LEO1: variants seen among roughly 807,000 people sequenced by gnomAD.
LEO1 encodes LEO1 component of Paf1/RNA polymerase II complex, also known as RNA polymerase-associated protein LEO1.
A neutral mutation model predicts 80.4 loss-of-function variants in LEO1; 34 were observed. The ratio of observed to expected loss-of-function variants is 0.42; its 90% CI spans 0.32 to 0.56. The LOEUF is 0.56. LEO1 is among the 20% of genes least tolerant of loss of function. The pLI is 0.10. For synonymous variants in LEO1, 262 were observed against 274.9 expected (o/e 0.95, Z 0.46); for missense variants, 631 against 814.2 (o/e 0.77, Z 2.74).
At position 51,945,262 on chromosome 15, in the gene LEO1, C is replaced by CAAAAAAAAAAAAAAAA. The variant is rs71130110; in HGVS notation, c.1896+2014_1896+2029dup. On this transcript the variant is annotated intron_variant, in intron 11 of 11. Transcript: ENST00000299601. ...TGAAACCCCATCTCTACAAAAAATA[C>CAAAAAAAAAAAAAAAA]AAAAAAAAAAAAAAAAAGCCTTACA... is the stretch of plus-strand genomic sequence containing the variant. Among the ~76,000 whole-genome samples the CAAAAAAAAAAAAAAAA allele has an allele frequency of 6.1e-3, 488 of 80,198 alleles. 34 individuals carry two copies. The highest frequency in any genetic ancestry group is 0.023 in the East Asian group (41 of 1,788). 52.6% of individuals were successfully genotyped at this position (80,198 alleles called of 152,430 possible).
chr15:51,946,169 A>G lies in LEO1; in HGVS notation c.1896+1123T>C, dbSNP rs564004445. Among the ~76,000 whole-genome samples the G allele has an allele frequency of 2.0e-5, 3 of 152,338 alleles. 1 individual carries two copies. Among genetic ancestry groups the G allele is most frequent in the African/African-American group, 4.8e-5 (2 of 41,568 alleles). ...CAATAATAAATGAAAATTTATTTCA[A>G]TTTATTAAATTACTCAATACAATTT... On this transcript the variant is annotated intron_variant, in intron 11 of 11. Transcript: ENST00000299601.
intron 4 of LEO1, among the ~76,000 whole-genome samples, chr15:51,960,419 AG>A (rs778991518): frequency 3.9e-5 from 6 of 152,208 alleles, no homozygotes; most frequent in Admixed American, 1.3e-4. Context: ...AAGTCCTCAC[AG>A]TTCAGTCCCC....
Position 51,956,422 on chromosome 15 carries a change from C to CAA in LEO1, c.1246-1849_1246-1848dup, listed in dbSNP as rs34613118. Among the ~76,000 whole-genome samples the CAA allele has an allele frequency of 5.0e-3, 388 of 78,176 alleles. 7 individuals carry two copies. Among genetic ancestry groups the CAA allele is most frequent in the African/African-American group, 0.01 (187 of 18,244 alleles). The allele number at this position is 78,176 out of a possible 152,430, so 51.3% of individuals were successfully genotyped here. A position where few individuals can be genotyped will look rare whatever the true frequency, so the allele number is the denominator to read the frequency against. On this transcript the variant is annotated intron_variant, in intron 6 of 11. Coordinates refer to ENST00000299601, the MANE Select transcript of LEO1 (RefSeq NM_138792.4). ...GCGACGACAGAGCAAGACTCCATCT[C>CAA]AAAAAAAAAAAAAAAAAAACCACAA...
At chr15:51,952,846 C>T (rs2056960382) in intron 8 of LEO1, among the ~76,000 whole-genome samples, 1 of 152,198 alleles carries the variant, frequency 6.6e-6, no homozygotes, top group Non-Finnish European at 1.5e-5. Context: ...GTATTTTAGG[C>T]CTCTTGGCAG....
chr15:51,961,023 TC>T, intron 3 of LEO1, among the ~76,000 whole-genome samples: 1 of 152,160 alleles, frequency 6.6e-6, no homozygotes, highest in Non-Finnish European at 1.5e-5. Context: ...TTTCCTACAG[TC>T]TAGATGCTCA....
Position 51,938,132 on chromosome 15 carries a change from T to G in LEO1, c.*24A>C. ...ATTTATAACTGTACAATAAAATATA[T>G]AAAATGTTTTCATATTTCATACTTC... is the stretch of plus-strand genomic sequence containing the variant. On this transcript the variant is annotated 3_prime_UTR_variant, in exon 12 of 12. Coordinates refer to ENST00000299601, the MANE Select transcript of LEO1 (RefSeq NM_138792.4). The G allele has an allele frequency of 8.3e-7, 1 of 1,198,014 alleles. No individual in the cohort carries two copies. Among genetic ancestry groups the G allele is most frequent in the Non-Finnish European group, 1.2e-6 (1 of 819,630 alleles). 74.2% of individuals were successfully genotyped at this position (1,198,014 alleles called of 1,614,324 possible). A position where few individuals can be genotyped will look rare whatever the true frequency, so the allele number is the denominator to read the frequency against.
intron 9 of LEO1, 21 bp downstream of exon 9, chr15:51,951,823 G>A (rs758135044): frequency 4.3e-6 from 7 of 1,610,614 alleles, no homozygotes; most frequent in East Asian, 2.2e-5. Context: ...CCAGGATAAC[G>A]CTTAGGCTTA....
chr15:51,960,576 G>A (rs1342462461), intron 4 of LEO1, 63 bp downstream of exon 4: 5 of 873,678 alleles, frequency 5.7e-6, no homozygotes, highest in Non-Finnish European at 7.8e-6. Flanking sequence ...GAATAAGGGA[G>A]ACTCTTCACC....
At chr15:51,949,179 TAGA>T (rs1286057721) in intron 10 of LEO1, among the ~76,000 whole-genome samples, 1 of 152,286 alleles carries the variant, frequency 6.6e-6, no homozygotes, top group African/African-American at 2.4e-5. Flanking sequence ...AAGAGAAATG[TAGA>T]AGAAGAATGA....
chr15:51,949,273 G>A (rs1393624178), intron 10 of LEO1, among the ~76,000 whole-genome samples: 1 of 152,184 alleles, frequency 6.6e-6, no homozygotes, highest in Non-Finnish European at 1.5e-5. Context: ...AAAAGTTCCA[G>A]TATAACTGGC....
intron 11 of LEO1, among the ~76,000 whole-genome samples, chr15:51,938,493 G>C (rs2056820445): frequency 6.6e-6 from 1 of 152,192 alleles, no homozygotes; most frequent in African/African-American, 2.4e-5. Context: ...CCACAGAAGG[G>C]GCGGGGCTCT....
At chr15:51,965,722 C>A (rs758472049) in intron 2 of LEO1, 27 bp downstream of exon 2, 2 of 1,568,462 alleles carry the variant, frequency 1.3e-6, no homozygotes, top group South Asian at 2.4e-5. Flanking sequence ...TCTTTCTGAG[C>A]CATTCTGGTT....
chr15:51,955,497 T>TG (rs2056982181), intron 6 of LEO1, among the ~76,000 whole-genome samples: 1 of 152,184 alleles, frequency 6.6e-6, no homozygotes, highest in African/African-American at 2.4e-5. Context: ...GTAAAGTCAG[T>TG]GGGATCTCCA....
At chr15:51,962,329 C>G in intron 3 of LEO1, 60 bp downstream of exon 3, 1 of 1,134,534 alleles carries the variant, frequency 8.8e-7, no homozygotes, top group Non-Finnish European at 1.3e-6. Flanking sequence ...TAGAAATGCA[C>G]TACAGTTAAA....
chr15:51,938,577 T>A (rs1303281313), intron 11 of LEO1, among the ~76,000 whole-genome samples: 1 of 151,864 alleles, frequency 6.6e-6, no homozygotes, highest in African/African-American at 2.4e-5. Flanking sequence ...ATTTCTCAAA[T>A]TTTTTTTCTC....
chr15:51,958,594 C>T (rs1251431486), intron 6 of LEO1, 148 bp downstream of exon 6: 5 of 603,374 alleles, frequency 8.3e-6, no homozygotes, highest in Non-Finnish European at 1.5e-5. Context: ...AAAATTCTTT[C>T]CTAATAGTCA....
In LEO1 at chr15:51,957,839, C is replaced by T. The variant is rs372461901; in HGVS notation, c.1245+903G>A. On this transcript the variant is annotated intron_variant, in intron 6 of 11. Coordinates refer to ENST00000299601, the MANE Select transcript of LEO1 (RefSeq NM_138792.4). ...AGTTCGAGACCAACCTGGCCAACAT[C>T]GTGAAACCCTGTCTCTACTAAAAAT... Among the ~76,000 whole-genome samples, 17 of 151,836 alleles carry T rather than the reference C, an allele frequency of 1.1e-4. No individual in the cohort carries two copies. In the East Asian group the frequency reaches 1.6e-3, roughly 14 times the overall value.
At chr15:51,939,279 C>T (rs1419390467) in intron 11 of LEO1, among the ~76,000 whole-genome samples, 1 of 152,190 alleles carries the variant, frequency 6.6e-6, no homozygotes, top group East Asian at 1.9e-4. Flanking sequence ...CATCTTGCTG[C>T]TGTGACCACA....
intron 11 of LEO1, among the ~76,000 whole-genome samples, chr15:51,938,955 G>C (rs767030456): frequency 2.6e-5 from 4 of 152,070 alleles, no homozygotes; most frequent in Non-Finnish European, 4.4e-5. Context: ...GAGGCCAAAG[G>C]GGGTGGATCA....
Sources: allele counts gnomAD v4.1 joint callset (sites outside exome capture counted in the v4.1 genomes callset), GRCh38; gene constraint gnomAD v4.1.1; transcripts MANE v1.5; gene names NCBI Gene and HGNC (gene_info 2026-07-23, HGNC 2026-07-21).